Variants in SPRYD3 observed in about 807,000 individuals in gnomAD.
SPRYD3 encodes SPRY domain containing 3.
Under a neutral mutation model 50.1 loss-of-function variants are expected in SPRYD3, and 17 were observed. That is an observed-to-expected ratio of 0.34 (90% CI 0.23 to 0.51). SPRYD3 has a LOEUF of 0.51. SPRYD3 is among the 20% of genes least tolerant of loss of function. The pLI, the probability that SPRYD3 is intolerant of heterozygous loss-of-function variation, is 0.97. For missense variants in SPRYD3, 401 were observed against 591.2 expected, an observed-to-expected ratio of 0.68 and a Z score of 3.34; for synonymous variants, 198 against 215.5, an observed-to-expected ratio of 0.92 and a Z score of 0.71.
At chr12:53,067,156 G>A (rs565255841) in intron 8 of SPRYD3, among the ~76,000 whole-genome samples, 1 of 150,584 alleles carries the variant, frequency 6.6e-6, no homozygotes, top group Non-Finnish European at 1.5e-5. Flanking sequence ...TGGGAAGGGG[G>A]CACCAAATAA....
In SPRYD3 at chr12:53,075,031, T is replaced by G. The variant is rs1363484321; in HGVS notation, c.371+64A>C. On this transcript the variant is annotated intron_variant, in intron 4 of 10. Transcript: ENST00000301463. The stretch of plus-strand genomic sequence containing the variant: ...AATGGGAAAAGCCAGCCCAAGGTAG[T>G]TCTTCAGATCTAAGATTCCCAAATT... 3.1e-6 allele frequency: 5 copies of G among 1,592,322 alleles called. No individual in the cohort carries two copies. In the African/African-American group the frequency reaches 5.4e-5, roughly 17 times the overall value.
intron 6 of SPRYD3, 27 bp downstream of exon 6, chr12:53,073,259 C>CCGGGGGGGGGGGGGCG: frequency 2.5e-6 from 1 of 400,932 alleles, no homozygotes; most frequent in African/African-American, 2.1e-5. Flanking sequence ...CGACCCAGCC[C>CCGGGGGGGGGGGGGCG]CTCCCACCCT....
At chr12:53,072,682 C>T (rs1944558280) in intron 6 of SPRYD3, among the ~76,000 whole-genome samples, 1 of 152,224 alleles carries the variant, frequency 6.6e-6, no homozygotes, top group African/African-American at 2.4e-5. Context: ...CCACACGCTT[C>T]CCAACGAAGC....
chr12:53,069,337 C>T (rs907277078), intron 6 of SPRYD3, among the ~76,000 whole-genome samples: 81 of 152,170 alleles, frequency 5.3e-4, no homozygotes, highest in Middle Eastern at 3.2e-3. Context: ...CTCCACGTCT[C>T]CCTGGCAAGC....
rs774257168 is a variant in SPRYD3 at position 53,079,358 on chromosome 12, C to T, written c.-25G>A. The T allele has an allele frequency of 6.2e-7, 1 of 1,603,038 alleles. No individual in the cohort carries two copies. The highest frequency in any genetic ancestry group is 1.3e-5 in the African/African-American group (1 of 74,306). ...TCCATAGGCCTCTCAGCTCCGCACACAAGCTCTTCGGCCGCCGCCACCACA... is the reference window on the plus strand; with the variant it reads ...TCCATAGGCCTCTCAGCTCCGCACATAAGCTCTTCGGCCGCCGCCACCACA... On this transcript the variant is annotated 5_prime_UTR_variant, in exon 1 of 11. The change creates a new upstream start codon in the 5' untranslated region. Coordinates refer to ENST00000301463, the MANE Select transcript of SPRYD3 (RefSeq NM_032840.3).
At chr12:53,075,694 C>G (rs143694003) in intron 3 of SPRYD3, 42 bp downstream of exon 3, 3 of 1,507,484 alleles carry the variant, frequency 2.0e-6, no homozygotes, top group South Asian at 1.1e-5. Context: ...GATCTCACCC[C>G]CAAGCTCACC....
At chr12:53,067,801 GC>G in intron 7 of SPRYD3, 96 bp from the exon 8 acceptor site, 3 of 1,178,190 alleles carry the variant, frequency 2.5e-6, no homozygotes, top group Non-Finnish European at 1.3e-6. Flanking sequence ...ACAGACCACA[GC>G]CCAGAGAGTG....
chr12:53,073,260 C>CCGGGGGGGGGGCGG, intron 6 of SPRYD3, 26 bp downstream of exon 6: 2 of 416,308 alleles, frequency 4.8e-6, no homozygotes, highest in East Asian at 3.8e-5. Context: ...GACCCAGCCC[C>CCGGGGGGGGGGCGG]TCCCACCCTC....
At chr12:53,066,864 G>A (rs1375192432) in intron 8 of SPRYD3, among the ~76,000 whole-genome samples, 172 bp from the exon 9 acceptor site, 1 of 152,206 alleles carries the variant, frequency 6.6e-6, no homozygotes, top group Non-Finnish European at 1.5e-5. Flanking sequence ...TGGAATCCCA[G>A]GACTTTGGGA....
At chr12:53,079,175 C>T in intron 1 of SPRYD3, 136 bp downstream of exon 1, 2 of 930,006 alleles carry the variant, frequency 2.2e-6, no homozygotes, top group African/African-American at 1.7e-5. Flanking sequence ...GAGGGTGCAG[C>T]AACAGAAGAA....
chr12:53,071,393 A>G (rs1047132026), intron 6 of SPRYD3, among the ~76,000 whole-genome samples: 1 of 152,122 alleles, frequency 6.6e-6, no homozygotes, highest in Non-Finnish European at 1.5e-5. Context: ...CCTCCACCAC[A>G]TTACCTCACT....
chr12:53,073,259 C>CCCGGGGGGGGGGGGCCG, intron 6 of SPRYD3, 27 bp downstream of exon 6: 1 of 400,932 alleles, frequency 2.5e-6, no homozygotes. Context: ...CGACCCAGCC[C>CCCGGGGGGGGGGGGCCG]CTCCCACCCT....
Position 53,072,606 on chromosome 12 carries a change from T to C in SPRYD3, c.693+680A>G, listed in dbSNP as rs567807220. 2.0e-5 allele frequency among the ~76,000 whole-genome samples: 3 copies of C among 152,332 alleles called. No individual in the cohort carries two copies. In the South Asian group the frequency reaches 6.2e-4, roughly 32 times the overall value. The stretch of plus-strand genomic sequence containing the variant: ...GGCAGACAGGAAGAATTTTCCTTTC[T>C]CAAGGTTCATGAATTTTCCAACAAA... On this transcript the variant is annotated intron_variant, in intron 6 of 10. Transcript: ENST00000301463.
At chr12:53,067,427 C>A (rs1286774832) in intron 8 of SPRYD3, among the ~76,000 whole-genome samples, 1 of 152,208 alleles carries the variant, frequency 6.6e-6, no homozygotes, top group East Asian at 1.9e-4. Context: ...AATGTCCCAT[C>A]TGGGCCCAGA....
chr12:53,078,177 T>C, intron 1 of SPRYD3: 1 of 395,484 alleles, frequency 2.5e-6, no homozygotes, highest in African/African-American at 2.3e-5. Context: ...AGACCCTGTC[T>C]CAAAAAAAAA....
rs1191031860 is a variant in SPRYD3, at chr12:53,073,558, C to CA, written c.508-88dup. 2.6e-6 allele frequency: 3 copies of CA among 1,167,554 alleles called. No homozygotes were observed. The African/African-American group carries it at 4.6e-5, about 18-fold the overall frequency. 72.3% of individuals were successfully genotyped at this position (1,167,554 alleles called of 1,614,324 possible). On this transcript the variant is annotated intron_variant, in intron 5 of 10. Coordinates refer to ENST00000301463, the MANE Select transcript of SPRYD3 (RefSeq NM_032840.3). ...TCACAAGGGTACTTTTAAGATGATG[C>CA]AACCAGCCGGGCGTGGTGGCTCACG...
At chr12:53,075,868 G>T in intron 2 of SPRYD3, 57 bp from the exon 3 acceptor site, 2 of 1,413,694 alleles carry the variant, frequency 1.4e-6, no homozygotes, top group Non-Finnish European at 2.0e-6. Flanking sequence ...AGTAGGGGGA[G>T]GGCCTCAGCT....
At chr12:53,067,559 T>A in intron 8 of SPRYD3, 89 bp downstream of exon 8, 1 of 1,313,098 alleles carries the variant, frequency 7.6e-7, no homozygotes, top group Non-Finnish European at 1.1e-6. Flanking sequence ...GCAAGGCCAT[T>A]TGTGAGGGGC....
At position 53,074,636 on chromosome 12, in the gene SPRYD3, A is replaced by G; in HGVS notation, c.507+13T>C. 1 of 1,614,138 alleles carries G rather than the reference A, an allele frequency of 6.2e-7. No individual in the cohort carries two copies. The highest frequency in any genetic ancestry group is 1.1e-5 in the South Asian group (1 of 91,084). On this transcript the variant is annotated intron_variant, in intron 5 of 10. Transcript: ENST00000301463. The surrounding 1 kb of genome is among the most constrained non-coding windows in gnomAD (Gnocchi z 4.6). ...TTTCAGCCACGTAAATCCCACCACTATTTCCCACTCACCCGCTTCCCATTT... is the reference window on the plus strand; with the variant it reads ...TTTCAGCCACGTAAATCCCACCACTGTTTCCCACTCACCCGCTTCCCATTT...
Sources: gnomAD v4.1 joint callset for allele counts (sites outside exome capture counted in the v4.1 genomes callset) on GRCh38, gnomAD v4.1.1 for gene constraint, Gnocchi (gnomAD v3.1) non-coding constraint, MANE v1.5 for transcripts, NCBI Gene and HGNC (gene_info 2026-07-23, HGNC 2026-07-21) for gene names.